The following MACROD2 variants were observed in gnomAD, a reference collection of about 807,000 sequenced individuals.
The protein encoded by MACROD2 is mono-ADP ribosylhydrolase 2.
In MACROD2, 36 loss-of-function variants were observed where a neutral mutation model predicts 70.4. That is an observed-to-expected ratio of 0.51 (90% CI 0.39 to 0.68). The LOEUF (loss-of-function observed/expected upper bound fraction) is 0.68. Among genes scored for constraint, MACROD2 ranks in the 30% least tolerant of loss-of-function variants. The pLI, the probability that MACROD2 is intolerant of heterozygous loss-of-function variation, is 0.00. For synonymous variants in MACROD2, 172 were observed against 178.8 expected (o/e 0.96, Z 0.30); for missense variants, 496 against 538.4 (o/e 0.92, Z 0.78).
At chr20:14,205,757 G>A (rs552730209) in intron 3 of MACROD2, among the ~76,000 whole-genome samples, 1 of 152,304 alleles carries the variant, frequency 6.6e-6, no homozygotes, top group East Asian at 1.9e-4. Flanking sequence ...AGGAAGTGGA[G>A]CCTGACACCC....
At chr20:14,559,037 A>T (rs1163787334) in intron 4 of MACROD2, among the ~76,000 whole-genome samples, 1 of 151,790 alleles carries the variant, frequency 6.6e-6, no homozygotes, top group Admixed American at 6.6e-5. Flanking sequence ...AACGTTCTTG[A>T]TACCATATTT....
chr20:14,443,655 A>G (rs1007885316), intron 3 of MACROD2, among the ~76,000 whole-genome samples: 6 of 152,096 alleles, frequency 3.9e-5, no homozygotes, highest in African/African-American at 1.5e-4. Flanking sequence ...TTATGGGGAA[A>G]ATGTCAAATT....
intron 5 of MACROD2, among the ~76,000 whole-genome samples, chr20:14,712,221 G>A (rs1336395852): frequency 6.6e-6 from 1 of 152,010 alleles, no homozygotes; most frequent in Non-Finnish European, 1.5e-5. Context: ...CTTCTATATA[G>A]GGGAGTTATT....
chr20:14,082,934 A>C (rs1452211489), intron 2 of MACROD2, among the ~76,000 whole-genome samples: 2 of 152,196 alleles, frequency 1.3e-5, no homozygotes, highest in Non-Finnish European at 2.9e-5. Context: ...TGTGGCTCAG[A>C]GTCCTTGTCA....
rs185190785 is a variant in MACROD2 at position 14,210,777 on chromosome 20, G to A, written c.271+125049G>A. ...TTGTAACCTGTGCCCAATAAGAGTGGTAAAAGTGTAACTCAGTCAAAAGAA... is the reference window on the plus strand; with the variant it reads ...TTGTAACCTGTGCCCAATAAGAGTGATAAAAGTGTAACTCAGTCAAAAGAA... On this transcript the variant is annotated intron_variant, in intron 3 of 17. Transcript: ENST00000684519. Among the ~76,000 whole-genome samples, 183 of 152,268 alleles carry A rather than the reference G, an allele frequency of 1.2e-3. 2 individuals carry two copies. Among genetic ancestry groups the A allele is most frequent in the African/African-American group, 4.2e-3 (173 of 41,562 alleles).
chr20:14,684,256 T>G (rs1241623144), intron 4 of MACROD2, among the ~76,000 whole-genome samples: 1 of 152,176 alleles, frequency 6.6e-6, no homozygotes, highest in Non-Finnish European at 1.5e-5. Flanking sequence ...AGAAACACAA[T>G]CATGTGTGTG....
intron 4 of MACROD2, among the ~76,000 whole-genome samples, chr20:14,586,637 A>C (rs1034516417): frequency 1.3e-5 from 2 of 152,100 alleles, no homozygotes; most frequent in African/African-American, 4.8e-5. Context: ...TCCTCAGAAT[A>C]CCCTTAATTG....
At chr20:15,500,219 G>A (rs1334064344) in intron 8 of MACROD2, among the ~76,000 whole-genome samples, 1 of 152,122 alleles carries the variant, frequency 6.6e-6, no homozygotes, top group Non-Finnish European at 1.5e-5. Flanking sequence ...GAGGTTCCTG[G>A]TGTACAGTAA....
intron 6 of MACROD2, among the ~76,000 whole-genome samples, chr20:15,249,399 C>A (rs1281075711): frequency 6.6e-6 from 1 of 152,160 alleles, no homozygotes; most frequent in Non-Finnish European, 1.5e-5. Flanking sequence ...TTTAAAATTT[C>A]TTTGTAACTT....
chr20:15,219,400 A>G (rs546493144), intron 5 of MACROD2, among the ~76,000 whole-genome samples: 1 of 152,308 alleles, frequency 6.6e-6, no homozygotes, highest in South Asian at 2.1e-4. Flanking sequence ...ACACTCACTC[A>G]TTTAAATAAA....
intron 3 of MACROD2, among the ~76,000 whole-genome samples, chr20:14,358,911 G>A (rs1010185467): frequency 1.3e-5 from 2 of 152,156 alleles, no homozygotes; most frequent in South Asian, 2.1e-4. Context: ...GTGAGGCCAG[G>A]CATGGTGGCT....
intron 6 of MACROD2, among the ~76,000 whole-genome samples, chr20:15,374,308 A>T (rs1296854357): frequency 1.3e-5 from 2 of 151,896 alleles, no homozygotes; most frequent in Non-Finnish European, 2.9e-5. Context: ...ATATATACAT[A>T]TGTAATTACA....
intron 10 of MACROD2, chr20:15,893,060 A>G (rs897242806): frequency 5.0e-6 from 2 of 398,846 alleles, no homozygotes; most frequent in African/African-American, 2.1e-5. Flanking sequence ...GAAAAGAAAC[A>G]TATTTAATTT....
chr20:15,608,309 G>A (rs552761509), intron 8 of MACROD2, among the ~76,000 whole-genome samples: 1 of 152,286 alleles, frequency 6.6e-6, no homozygotes, highest in South Asian at 2.1e-4. Flanking sequence ...CTTGTGCTTG[G>A]CCACAGGACA....
At chr20:15,007,831 T>A (rs571863194) in intron 5 of MACROD2, among the ~76,000 whole-genome samples, 1 of 152,318 alleles carries the variant, frequency 6.6e-6, no homozygotes, top group East Asian at 1.9e-4. Context: ...GAAACCCCAA[T>A]AACTCTGGGG....
chr20:14,449,110 AGAAG>A lies in MACROD2; in HGVS notation c.272-44367_272-44364del, dbSNP rs541436959. On this transcript the variant is annotated intron_variant, in intron 3 of 17. Transcript: ENST00000684519. Reference sequence around the variant, plus strand: ...TTTGGCCATTAGCTTGCTTTAACTAAGAAGGTTTTTTTTTCCTGTGCTTTTTTTA... The same window carrying A: ...TTTGGCCATTAGCTTGCTTTAACTAAGTTTTTTTTTCCTGTGCTTTTTTTA... Among the ~76,000 whole-genome samples the A allele has an allele frequency of 3.0e-3, 451 of 152,060 alleles. 6 individuals are homozygous for A. The highest frequency in any genetic ancestry group is 0.01 in the African/African-American group (430 of 41,320).
chr20:15,158,402 C>A (rs463895), intron 5 of MACROD2, among the ~76,000 whole-genome samples: 134,202 of 152,210 alleles, frequency 0.88, 59,320 homozygotes, highest in East Asian at 1. Context: ...CAAAATCCTC[C>A]AGTGATAGTT....
chr20:14,764,809 C>T (rs991667706), intron 5 of MACROD2, among the ~76,000 whole-genome samples: 1 of 152,064 alleles, frequency 6.6e-6, no homozygotes, highest in Non-Finnish European at 1.5e-5. Context: ...TTCAATCTAA[C>T]CTGAATGTTC....
chr20:14,130,939 T>G (rs1408432715), intron 3 of MACROD2, among the ~76,000 whole-genome samples: 7 of 150,950 alleles, frequency 4.6e-5, no homozygotes, highest in South Asian at 2.1e-4. Flanking sequence ...TGTTTTTTTT[T>G]TTTTTTCTTG....
Sources: allele counts gnomAD v4.1 joint callset (sites outside exome capture counted in the v4.1 genomes callset), GRCh38; gene constraint gnomAD v4.1.1; transcripts MANE v1.5; gene names NCBI Gene and HGNC (gene_info 2026-07-23, HGNC 2026-07-21).